UNC13C: variants seen among roughly 807,000 people sequenced by gnomAD.
The protein encoded by UNC13C is unc-13 homolog C, also known as protein unc-13 homolog C.
In UNC13C, 174 loss-of-function variants were observed where a neutral mutation model predicts 245.4. The observed-to-expected ratio is 0.71, with a 90% confidence interval of 0.63 to 0.80. UNC13C has a LOEUF of 0.80. UNC13C is among the 30% of genes least tolerant of loss of function. UNC13C has a pLI of 0.00. For synonymous variants in UNC13C, 992 were observed against 895.1 expected, an observed-to-expected ratio of 1.11 and a Z score of -1.93; for missense variants, 2,829 against 2,602.9, an observed-to-expected ratio of 1.09 and a Z score of -1.89.
At chr15:54,103,190 A>T (rs909566850) in intron 2 of UNC13C, among the ~76,000 whole-genome samples, 2 of 151,894 alleles carry the variant, frequency 1.3e-5, no homozygotes, top group African/African-American at 4.8e-5. Flanking sequence ...ACACACACAC[A>T]CTCTCTCACA....
chr15:53,878,098 A>T, the UNC13C span, among the ~76,000 whole-genome samples: 16 of 152,058 alleles, frequency 1.1e-4, no homozygotes, highest in East Asian at 7.7e-4. Flanking sequence ...TGCATTTTTT[A>T]AAAAAATGGT....
At chr15:54,414,832 T>C (rs1022157266) in intron 18 of UNC13C, 150 bp from the exon 19 acceptor site, 8 of 508,634 alleles carry the variant, frequency 1.6e-5, no homozygotes, top group Non-Finnish European at 2.7e-5. Flanking sequence ...TTTTTTTTTT[T>C]ACTTACGAAA....
intron 2 of UNC13C, among the ~76,000 whole-genome samples, chr15:54,120,427 G>A (rs527610500): frequency 3.9e-5 from 6 of 152,096 alleles, no homozygotes; most frequent in Non-Finnish European, 7.4e-5. Flanking sequence ...GAAAAAGAAA[G>A]ATTGCTTTCA....
At chr15:54,609,374 A>C (rs1038751863) in intron 30 of UNC13C, 2 of 152,176 alleles carry the variant, frequency 1.3e-5, no homozygotes, top group Non-Finnish European at 2.9e-5. Flanking sequence ...CAAATTCAGC[A>C]ATTTGTTCAT....
chr15:54,076,422 T>A (rs1898629095), intron 2 of UNC13C, among the ~76,000 whole-genome samples: 2 of 152,030 alleles, frequency 1.3e-5, no homozygotes, highest in African/African-American at 4.8e-5. Flanking sequence ...TCCATGTCCC[T>A]ACAAAGGACA....
intron 2 of UNC13C, among the ~76,000 whole-genome samples, chr15:54,113,113 C>T (rs373306414): frequency 8.6e-5 from 13 of 151,938 alleles, no homozygotes; most frequent in African/African-American, 3.1e-4. Flanking sequence ...CTCCTCCACA[C>T]TCAACCCAAC....
At chr15:54,164,775 CA>C (rs1412314821) in intron 4 of UNC13C, among the ~76,000 whole-genome samples, 1 of 151,922 alleles carries the variant, frequency 6.6e-6, no homozygotes, top group Non-Finnish European at 1.5e-5. Flanking sequence ...GAAGGACTAG[CA>C]AAAAGGACAG....
chr15:54,147,528 T>C (rs2032320108), intron 4 of UNC13C, among the ~76,000 whole-genome samples: 1 of 152,082 alleles, frequency 6.6e-6, no homozygotes, highest in South Asian at 2.1e-4. Flanking sequence ...CTGATGAAAC[T>C]ACTTTTATTC....
At chr15:54,239,922 T>C (rs28503283) in intron 7 of UNC13C, among the ~76,000 whole-genome samples, 8,850 of 152,278 alleles carry the variant, frequency 0.058, 884 homozygotes, top group African/African-American at 0.2. Flanking sequence ...AAGAATTTTA[T>C]TGATAAACTC....
At chr15:54,552,398 AATTATATAATTATATATTACAATAT>A (rs1896781598) in intron 28 of UNC13C, among the ~76,000 whole-genome samples, 1 of 91,582 alleles carries the variant, frequency 1.1e-5, no homozygotes, top group Non-Finnish European at 1.9e-5. Flanking sequence ...TATAATATAT[AATTATATAATTATATATTACAATAT>A]ATAATATAAT....
In UNC13C at chr15:54,500,076, T is replaced by C. The variant is rs373419115; in HGVS notation, c.5061-3T>C. The stretch of plus-strand genomic sequence containing the variant: ...GGTATGTAACATTATTAATTTGTTA[T>C]AGGTGGTTTGAACCTTTTGTCATGC... On this transcript the variant is annotated splice_region_variant and splice_polypyrimidine_tract_variant and intron_variant, in intron 20 of 32. Coordinates refer to ENST00000260323, the MANE Select transcript of UNC13C (RefSeq NM_001080534.3). The C allele has an allele frequency of 9.0e-5, 144 of 1,599,750 alleles. 2 individuals are homozygous for C. The Middle Eastern group carries it at 6.8e-3, about 76-fold the overall frequency.
At chr15:54,164,698 G>A (rs1370612951) in intron 4 of UNC13C, among the ~76,000 whole-genome samples, 1 of 152,126 alleles carries the variant, frequency 6.6e-6, no homozygotes, top group East Asian at 1.9e-4. Flanking sequence ...GCAGCTCAGT[G>A]TCAAATGTTC....
chr15:53,969,286 C>T, the UNC13C span, among the ~76,000 whole-genome samples: 2 of 152,140 alleles, frequency 1.3e-5, no homozygotes, highest in African/African-American at 4.8e-5. Context: ...CAGCCCTGGT[C>T]ATGCTCTAAG....
intron 24 of UNC13C, among the ~76,000 whole-genome samples, chr15:54,519,434 A>G (rs1895122394): frequency 6.6e-6 from 1 of 152,156 alleles, no homozygotes. Flanking sequence ...GAAGAACCTC[A>G]TTTAACATAT....
At chr15:53,876,240 G>A in the UNC13C span, among the ~76,000 whole-genome samples, 1 of 152,088 alleles carries the variant, frequency 6.6e-6, no homozygotes. Context: ...TCAATTCACT[G>A]GTATCTCTGG....
the UNC13C span, among the ~76,000 whole-genome samples, chr15:53,863,993 A>AGTT: frequency 6.6e-6 from 1 of 152,150 alleles, no homozygotes; most frequent in African/African-American, 2.4e-5. Flanking sequence ...TGGCTGCCAG[A>AGTT]GTTCCTCATT....
chr15:54,030,149 C>G (rs1355937049), intron 2 of UNC13C, among the ~76,000 whole-genome samples: 1 of 152,158 alleles, frequency 6.6e-6, no homozygotes, highest in African/African-American at 2.4e-5. Context: ...CCCTGCCCCT[C>G]TTCCTGCTTC....
At chr15:54,170,191 C>T (rs148599030) in intron 4 of UNC13C, among the ~76,000 whole-genome samples, 153 of 152,020 alleles carry the variant, frequency 1.0e-3, no homozygotes, top group African/African-American at 3.5e-3. Flanking sequence ...GTGATACTTA[C>T]GTCTGATAGT....
intron 19 of UNC13C, among the ~76,000 whole-genome samples, chr15:54,417,717 A>C (rs75477690): frequency 0.03 from 4,626 of 152,252 alleles, 188 homozygotes; most frequent in Admixed American, 0.12. Context: ...AAAAAGAACT[A>C]TGTTAACCAT....
Sources: gnomAD v4.1 joint callset for allele counts (sites outside exome capture counted in the v4.1 genomes callset) on GRCh38, gnomAD v4.1.1 for gene constraint, MANE v1.5 for transcripts, NCBI Gene and HGNC (gene_info 2026-07-23, HGNC 2026-07-21) for gene names.